The following CKMT2 variants were observed in gnomAD, a reference collection of about 807,000 sequenced individuals.
The protein encoded by CKMT2 is creatine kinase S-type, mitochondrial.
CKMT2 carries 43 observed loss-of-function variants against 48.9 expected under a neutral mutation model. That is an observed-to-expected ratio of 0.88 (90% CI 0.69 to 1.13). The LOEUF (loss-of-function observed/expected upper bound fraction) is 1.13, where lower values mean the gene tolerates loss of function less well. Among genes scored for constraint, CKMT2 ranks in the 50% most tolerant of loss-of-function variants. The pLI is 0.00. For missense variants in CKMT2, 472 were observed against 555.4 expected, an observed-to-expected ratio of 0.85 and a Z score of 1.51; for synonymous variants, 206 against 213.0, an observed-to-expected ratio of 0.97 and a Z score of 0.29.
chr5:81,257,745 TA>T lies in CKMT2; in HGVS notation c.770del (p.Lys257ArgfsTer7). 1 of 1,611,788 alleles carries T rather than the reference TA, an allele frequency of 6.2e-7. No homozygotes were observed. Among genetic ancestry groups the T allele is most frequent in the Non-Finnish European group, 8.5e-7 (1 of 1,178,452 alleles). ...CTCTCTTCATTAGGCATAATTATGA[TA>T]AGACATTTCTCATCTGGATAAATGA... Reference protein sequence around the residue: ...DARGIWHNYDKTFLIWINEED... With the variant: ...DARGIWHNYDXTFLIWINEED... On this transcript the variant is annotated frameshift_variant, in exon 7 of 10. Coordinates refer to ENST00000254035, the MANE Select transcript of CKMT2 (RefSeq NM_001099735.2). LOFTEE classifies it high-confidence loss of function.
chr5:81,254,693 A>G, intron 4 of CKMT2: 1 of 596,480 alleles, frequency 1.7e-6, no homozygotes, highest in South Asian at 2.1e-5. Context: ...AAATACAACT[A>G]GGGAAGGGTT....
At chr5:81,254,105 C>T (rs1266428328) in intron 3 of CKMT2, among the ~76,000 whole-genome samples, 1 of 152,224 alleles carries the variant, frequency 6.6e-6, no homozygotes, top group Non-Finnish European at 1.5e-5. Flanking sequence ...AATCTGATGG[C>T]AGTGATTTTG....
At chr5:81,241,888 T>C (rs891742142) in intron 1 of CKMT2, among the ~76,000 whole-genome samples, 5 of 152,144 alleles carry the variant, frequency 3.3e-5, no homozygotes, top group Non-Finnish European at 7.4e-5. Flanking sequence ...ATTTAAATTG[T>C]TTCCCCAACA....
chr5:81,238,641 T>A (rs1220391975), intron 1 of CKMT2: 1 of 152,456 alleles, frequency 6.6e-6, no homozygotes, highest in Non-Finnish European at 1.5e-5. Context: ...GCCACGTGCT[T>A]TGGCTCCAAC....
intron 9 of CKMT2, among the ~76,000 whole-genome samples, chr5:81,264,420 C>T (rs2112830627): frequency 6.6e-6 from 1 of 152,324 alleles, no homozygotes; most frequent in Admixed American, 6.5e-5. Flanking sequence ...TATCAAAGTT[C>T]TCTCTTCTTC....
chr5:81,259,058 A>G (rs1480197019), intron 7 of CKMT2, 62 bp from the exon 8 acceptor site: 8 of 1,522,048 alleles, frequency 5.3e-6, no homozygotes, highest in Non-Finnish European at 6.3e-6. Context: ...GGTGTTAGGG[A>G]TGTGCTGAAT....
At position 81,248,124 on chromosome 5, in the gene CKMT2, T is replaced by C. The variant is rs1471662125; in HGVS notation, c.-20-2989T>C. ...TCACAGGACTATACATGGAGACCAT[T>C]CACTCCCCTTCCTCTTGGCTCTGCT... On this transcript the variant is annotated intron_variant, in intron 1 of 9. Transcript: ENST00000254035. Among the ~76,000 whole-genome samples, 3 of 152,302 alleles carry C rather than the reference T, an allele frequency of 2.0e-5. No homozygotes were observed. In the South Asian group the frequency reaches 6.2e-4, roughly 32 times the overall value.
At chr5:81,234,069 T>A (rs1412406865) in intron 1 of CKMT2, among the ~76,000 whole-genome samples, 1 of 146,898 alleles carries the variant, frequency 6.8e-6, no homozygotes, top group Non-Finnish European at 1.5e-5. Flanking sequence ...GCCCCACGTG[T>A]TTCACCTGGG....
intron 1 of CKMT2, chr5:81,242,690 G>T: frequency 4.8e-6 from 1 of 208,012 alleles, no homozygotes. Context: ...CAAGAAGAAT[G>T]GGTACCTAGC....
Position 81,266,243 on chromosome 5 carries a change from G to C in CKMT2, c.1245G>C (p.Gln415His), listed in dbSNP as rs762554865. The C allele has an allele frequency of 2.5e-6, 4 of 1,612,922 alleles. No homozygotes were observed. In the Admixed American group the frequency reaches 5.0e-5, roughly 20 times the overall value. Residue 415 changes from glutamine to histidine, a missense_variant, in exon 10 of 10, where the codon CAG becomes CAC. Gln to His is a conservative substitution (Grantham distance 24). Transcript: ENST00000254035. The stretch of plus-strand genomic sequence containing the variant: ...TTAAGGTGCCACCCCCTCTGCCTCA[G>C]TTTGGCAAAAAGTAAACTTTCCCTT... ...QDIKVPPPLPQFGKK is the reference protein window; with the variant it reads ...QDIKVPPPLPHFGKK
At chr5:81,260,778 C>A (rs1480310392) in intron 8 of CKMT2, among the ~76,000 whole-genome samples, 1 of 152,134 alleles carries the variant, frequency 6.6e-6, no homozygotes, top group South Asian at 2.1e-4. Flanking sequence ...CTGAATTCTA[C>A]CAGAGGTACA....
At chr5:81,251,431 C>A in intron 2 of CKMT2, 147 bp downstream of exon 2, 1 of 769,528 alleles carries the variant, frequency 1.3e-6, no homozygotes, top group Non-Finnish European at 2.0e-6. Context: ...ACTAAAAATA[C>A]AAAAAAATTA....
rs187256710 is a variant in CKMT2 at position 81,265,707 on chromosome 5, T to C, written c.1141-432T>C. On this transcript the variant is annotated intron_variant, in intron 9 of 9. Coordinates refer to ENST00000254035, the MANE Select transcript of CKMT2 (RefSeq NM_001099735.2). ...AGTTGCCAAACATTTGACATTAATT[T>C]TTCAGGAAGACACCCACTGTATTAA... Among the ~76,000 whole-genome samples the C allele has an allele frequency of 2.2e-3, 336 of 152,322 alleles. 3 individuals are homozygous for C. The highest frequency in any genetic ancestry group is 7.5e-3 in the African/African-American group (313 of 41,570).
intron 8 of CKMT2, chr5:81,259,481 C>T: frequency 2.7e-6 from 1 of 369,246 alleles, no homozygotes; most frequent in Non-Finnish European, 4.8e-6. Flanking sequence ...AAGGCCTTTA[C>T]ATTTTTCCTC....
chr5:81,255,443 A>G (rs1029626045), intron 5 of CKMT2, among the ~76,000 whole-genome samples: 3 of 152,256 alleles, frequency 2.0e-5, no homozygotes, highest in African/African-American at 7.2e-5. Flanking sequence ...AAATCTGCAT[A>G]GGAAACTCCA....
At chr5:81,262,479 A>T (rs1399523721) in intron 8 of CKMT2, among the ~76,000 whole-genome samples, 1 of 152,188 alleles carries the variant, frequency 6.6e-6, no homozygotes, top group African/African-American at 2.4e-5. Flanking sequence ...AACTTAAACA[A>T]ATTTACAAGA....
intron 2 of CKMT2, 141 bp from the exon 3 acceptor site, chr5:81,252,554 C>T (rs944211259): frequency 1.9e-5 from 15 of 797,902 alleles, no homozygotes; most frequent in African/African-American, 1.9e-4. Flanking sequence ...TCATTTATGA[C>T]TCCTAGGCAG....
intron 4 of CKMT2, 127 bp downstream of exon 4, chr5:81,254,618 C>T: frequency 1.3e-6 from 1 of 762,620 alleles, no homozygotes; most frequent in Non-Finnish European, 2.2e-6. Context: ...ACTGCCCTGG[C>T]ACAGCCTTCC....
At position 81,257,607 on chromosome 5, in the gene CKMT2, G is replaced by A. The variant is rs1757057831; in HGVS notation, c.756-126G>A. The A allele has an allele frequency of 4.1e-6, 3 of 729,776 alleles. No homozygotes were observed. The South Asian group carries it at 6.8e-5, about 16-fold the overall frequency. 45.2% of individuals were successfully genotyped at this position (729,776 alleles called of 1,614,324 possible). On this transcript the variant is annotated intron_variant, in intron 6 of 9. Coordinates refer to ENST00000254035, the MANE Select transcript of CKMT2 (RefSeq NM_001099735.2). Reference sequence around the variant, plus strand: ...GTCATACTTGTTCAGGCACAGTTAAGAGATTAGGGCCATCTAGGAAATGAG... The same window carrying A: ...GTCATACTTGTTCAGGCACAGTTAAAAGATTAGGGCCATCTAGGAAATGAG...
Sources: allele counts gnomAD v4.1 joint callset (sites outside exome capture counted in the v4.1 genomes callset), GRCh38; gene constraint gnomAD v4.1.1; transcripts MANE v1.5; gene names NCBI Gene and HGNC (gene_info 2026-07-23, HGNC 2026-07-21).